The following GNL2 variants were observed in gnomAD, a reference collection of about 807,000 sequenced individuals.
The protein encoded by GNL2 is nucleolar GTP-binding protein 2.
A neutral mutation model predicts 92.3 loss-of-function variants in GNL2; 51 were observed. That is an observed-to-expected ratio of 0.55 (90% CI 0.44 to 0.70). The LOEUF is 0.70. GNL2 is among the 30% of genes least tolerant of loss of function. The pLI, the probability that GNL2 is intolerant of heterozygous loss-of-function variation, is 0.00. For missense variants in GNL2, 844 were observed against 895.6 expected (o/e 0.94, Z 0.74); for synonymous variants, 283 against 300.6 (o/e 0.94, Z 0.61).
chr1:37,574,789 T>G lies in GNL2; in HGVS notation c.1178A>C (p.His393Pro). The change falls in exon 11 of 16, where the codon CAC becomes CCC. Residue 393 changes from histidine to proline, a missense_variant. Coordinates refer to ENST00000373062, the MANE Select transcript of GNL2 (RefSeq NM_013285.3). The part of the protein sequence containing the change: ...QVEKIKSPED[H>P]IGAVLERAKP... ...TGCTCGTTCAAGTACAGCACCAATG[T>G]GGTCTTCAGGACTCTTAATTTTTTC... 1.2e-6 allele frequency: 2 copies of G among 1,613,490 alleles called. No individual in the cohort carries two copies. The highest frequency in any genetic ancestry group is 1.7e-6 in the Non-Finnish European group (2 of 1,179,368).
At chr1:37,581,007 A>C (rs985218731) in intron 8 of GNL2, among the ~76,000 whole-genome samples, 1 of 151,928 alleles carries the variant, frequency 6.6e-6, no homozygotes, top group East Asian at 1.9e-4. Context: ...AACAACAACA[A>C]CAACCAACCA....
chr1:37,594,523 TATTTATTC>T (rs1334900833), intron 1 of GNL2, among the ~76,000 whole-genome samples: 1 of 152,226 alleles, frequency 6.6e-6, no homozygotes, highest in East Asian at 1.9e-4. Context: ...TTTATTTACC[TATTTATTC>T]ATTTATTCAT....
chr1:37,574,518 G>T, intron 11 of GNL2, 62 bp from the exon 12 acceptor site: 1 of 1,465,980 alleles, frequency 6.8e-7, no homozygotes, highest in South Asian at 1.2e-5. Context: ...TACCACTTTG[G>T]GGGTATTTCA....
intron 14 of GNL2, chr1:37,568,067 T>A (rs1379319034): frequency 1.7e-6 from 1 of 593,492 alleles, no homozygotes; most frequent in East Asian, 2.8e-5. Context: ...TCTAGGAAGT[T>A]TCCTGAATTG....
intron 12 of GNL2, among the ~76,000 whole-genome samples, chr1:37,572,203 C>A (rs1043870274): frequency 6.6e-6 from 1 of 152,116 alleles, no homozygotes; most frequent in Non-Finnish European, 1.5e-5. Flanking sequence ...GACTTCCTGA[C>A]ATTATATGTT....
chr1:37,580,996 AAAC>A (rs57981792), intron 8 of GNL2, among the ~76,000 whole-genome samples: 4,321 of 152,284 alleles, frequency 0.028, 76 homozygotes, highest in Middle Eastern at 0.044. Context: ...TTCCAAGTTA[AAAC>A]AACAACAACA....
intron 12 of GNL2, among the ~76,000 whole-genome samples, chr1:37,573,637 T>C (rs774735065): frequency 1.3e-5 from 2 of 152,252 alleles, no homozygotes; most frequent in Non-Finnish European, 2.9e-5. Context: ...GTTAAACAAA[T>C]GTTATCTTAG....
At chr1:37,593,223 T>C (rs1643899373) in intron 2 of GNL2, among the ~76,000 whole-genome samples, 1 of 152,230 alleles carries the variant, frequency 6.6e-6, no homozygotes, top group Non-Finnish European at 1.5e-5. Context: ...TATTAAGTTC[T>C]TTGACATTTG....
chr1:37,576,321 T>A lies in GNL2; in HGVS notation c.1038+107A>T, dbSNP rs1164542803. ...ATTATATGGTGAGCTAAACTCCTAG[T>A]GGTGGTCTGCATTCAAGAGAAGCAG... On this transcript the variant is annotated intron_variant, in intron 9 of 15. Transcript: ENST00000373062. The A allele has an allele frequency of 2.3e-5, 22 of 968,260 alleles. No homozygotes were observed. The East Asian group carries it at 5.3e-4, about 23-fold the overall frequency. The allele number at this position is 968,260 out of a possible 1,614,324, so 60.0% of individuals were successfully genotyped here.
At chr1:37,567,412 T>C (rs1643521964) in intron 15 of GNL2, among the ~76,000 whole-genome samples, 1 of 152,096 alleles carries the variant, frequency 6.6e-6, no homozygotes, top group South Asian at 2.1e-4. Flanking sequence ...TTGGGTCGTT[T>C]CCCTTGGGAC....
chr1:37,584,461 T>TAAA (rs377282004), intron 5 of GNL2, among the ~76,000 whole-genome samples: 1 of 115,256 alleles, frequency 8.7e-6, no homozygotes, highest in South Asian at 2.8e-4. Context: ...AATAATTAAT[T>TAAA]AAAAAAAAAA....
rs2148137049 is a variant in GNL2, at chr1:37,582,153, A to G, written c.909+70T>C. On this transcript the variant is annotated intron_variant, in intron 8 of 15. Coordinates refer to ENST00000373062, the MANE Select transcript of GNL2 (RefSeq NM_013285.3). ...GAAGTTGGCAACTTTCTGCTATGCCATGGCAAGACAGATTCTTATACCAAC... is the reference window on the plus strand; with the variant it reads ...GAAGTTGGCAACTTTCTGCTATGCCGTGGCAAGACAGATTCTTATACCAAC... The G allele has an allele frequency of 4.8e-6, 5 of 1,045,934 alleles. No homozygotes were observed. The East Asian group carries it at 1.3e-4, about 27-fold the overall frequency. 64.8% of individuals were successfully genotyped at this position (1,045,934 alleles called of 1,614,324 possible).
intron 14 of GNL2, 115 bp from the exon 15 acceptor site, chr1:37,567,879 G>A (rs1643531926): frequency 3.9e-6 from 3 of 771,418 alleles, no homozygotes; most frequent in East Asian, 5.1e-5. Context: ...GACAGAGCAG[G>A]TGAGCACAGT....
intron 14 of GNL2, 39 bp from the exon 15 acceptor site, chr1:37,567,803 A>C (rs1402613029): frequency 6.6e-7 from 1 of 1,522,000 alleles, no homozygotes; most frequent in African/African-American, 1.4e-5. Context: ...TTTTCTATTG[A>C]AAATTTGTCT....
chr1:37,587,331 T>TA lies in GNL2; in HGVS notation c.548dup (p.Thr184AsnfsTer2), dbSNP rs768001135. On this transcript the variant is annotated frameshift_variant, in exon 5 of 16. Coordinates refer to ENST00000373062, the MANE Select transcript of GNL2 (RefSeq NM_013285.3). LOFTEE classifies it high-confidence loss of function. ...TGTACCTCACACCAGTGTCTTCAGT[T>TA]ACCAAATCACGATCCTTGCCCTGGT... 6.2e-7 allele frequency: 1 copy of TA among 1,602,734 alleles called. No homozygotes were observed. Among genetic ancestry groups the TA allele is most frequent in the East Asian group, 2.2e-5 (1 of 44,498 alleles).
At chr1:37,584,785 T>C (rs1469181959) in intron 5 of GNL2, among the ~76,000 whole-genome samples, 1 of 151,842 alleles carries the variant, frequency 6.6e-6, no homozygotes, top group Non-Finnish European at 1.5e-5. Context: ...ACTGTACACT[T>C]GAAAATGGTT....
chr1:37,574,263 A>G (rs1254456344), intron 12 of GNL2, 80 bp downstream of exon 12: 17 of 777,794 alleles, frequency 2.2e-5, no homozygotes, highest in Middle Eastern at 2.9e-4. Context: ...TACACGCTCT[A>G]TGAAGAGAGA....
chr1:37,592,996 T>C (rs36068512), intron 2 of GNL2, among the ~76,000 whole-genome samples, 190 bp from the exon 3 acceptor site: 7,751 of 152,290 alleles, frequency 0.051, 290 homozygotes, highest in Non-Finnish European at 0.077. Context: ...TTTAACCTCT[T>C]GCAACAGAGC....
chr1:37,590,219 G>A (rs1453489623), intron 4 of GNL2, among the ~76,000 whole-genome samples: 1 of 152,194 alleles, frequency 6.6e-6, no homozygotes, highest in Non-Finnish European at 1.5e-5. Context: ...CGATTCTCCT[G>A]CCTCAGCCTC....
Sources: gnomAD v4.1 joint callset for allele counts (sites outside exome capture counted in the v4.1 genomes callset) on GRCh38, gnomAD v4.1.1 for gene constraint, MANE v1.5 for transcripts, NCBI Gene and HGNC (gene_info 2026-07-23, HGNC 2026-07-21) for gene names.